RNF150: variants seen among roughly 807,000 people sequenced by gnomAD.
RNF150 encodes the protein ring finger protein 150.
In RNF150, 24 loss-of-function variants were observed where a neutral mutation model predicts 39.3. The ratio of observed to expected loss-of-function variants is 0.61; its 90% confidence interval spans 0.44 to 0.86. The LOEUF (loss-of-function observed/expected upper bound fraction) is 0.86. RNF150 is among the 40% of genes least tolerant of loss of function. RNF150 has a pLI of 0.00. For synonymous variants in RNF150, 255 were observed against 227.3 expected, an observed-to-expected ratio of 1.12 and a Z score of -1.10; for missense variants, 502 against 587.8, an observed-to-expected ratio of 0.85 and a Z score of 1.51.
At chr4:141,066,937 T>C (rs1249090191) in intron 1 of RNF150, among the ~76,000 whole-genome samples, 1 of 152,208 alleles carries the variant, frequency 6.6e-6, no homozygotes, top group Non-Finnish European at 1.5e-5. Context: ...TCCTAGGCTA[T>C]GTGGTATGCC....
chr4:141,122,803 A>G (rs1463494081), intron 1 of RNF150, among the ~76,000 whole-genome samples: 3 of 152,364 alleles, frequency 2.0e-5, no homozygotes, highest in East Asian at 3.9e-4. Flanking sequence ...GGTTCTTACT[A>G]TCTCTTTTTA....
At chr4:141,005,907 A>G (rs1254689229) in intron 1 of RNF150, among the ~76,000 whole-genome samples, 1 of 147,278 alleles carries the variant, frequency 6.8e-6, no homozygotes, top group African/African-American at 2.5e-5. Flanking sequence ...TCTCTACTAA[A>G]AATACAAAAA....
intron 1 of RNF150, among the ~76,000 whole-genome samples, chr4:141,106,531 G>A (rs989759996): frequency 6.6e-6 from 1 of 152,166 alleles, no homozygotes; most frequent in East Asian, 1.9e-4. Context: ...GGTGGCTCAC[G>A]CCTGTAATAC....
At chr4:141,024,695 T>C (rs1280336159) in intron 1 of RNF150, among the ~76,000 whole-genome samples, 1 of 152,176 alleles carries the variant, frequency 6.6e-6, no homozygotes, top group Non-Finnish European at 1.5e-5. Context: ...CAGCAAAGAA[T>C]GGTGATCAGG....
intron 1 of RNF150, among the ~76,000 whole-genome samples, chr4:141,099,708 T>C (rs1159451555): frequency 6.6e-6 from 1 of 152,036 alleles, no homozygotes; most frequent in Non-Finnish European, 1.5e-5. Flanking sequence ...GAGATGTCAG[T>C]CTGAACACAA....
intron 1 of RNF150, chr4:141,053,537 A>C (rs1016651207): frequency 2.2e-6 from 1 of 460,272 alleles, no homozygotes; most frequent in Admixed American, 4.4e-5. Context: ...GCAGGGCTCA[A>C]AAGAAGACAA....
At chr4:141,087,583 G>T (rs932993104) in intron 1 of RNF150, among the ~76,000 whole-genome samples, 1 of 151,982 alleles carries the variant, frequency 6.6e-6, no homozygotes, top group East Asian at 1.9e-4. Flanking sequence ...TTTTTGAAAT[G>T]CTGGTTGTAC....
intron 5 of RNF150, among the ~76,000 whole-genome samples, chr4:140,922,223 T>C (rs947167742): frequency 2.0e-5 from 3 of 150,822 alleles, no homozygotes; most frequent in South Asian, 2.1e-4. Context: ...GAAAACCCCA[T>C]CGTCTCAGCC....
chr4:141,101,837 A>G (rs1739022828), intron 1 of RNF150, among the ~76,000 whole-genome samples: 1 of 152,168 alleles, frequency 6.6e-6, no homozygotes, highest in Non-Finnish European at 1.5e-5. Flanking sequence ...GCTGGAGTGC[A>G]GTGGCACAAT....
chr4:141,032,641 A>T (rs898057507), intron 1 of RNF150, among the ~76,000 whole-genome samples: 4 of 152,150 alleles, frequency 2.6e-5, no homozygotes, highest in African/African-American at 9.7e-5. Context: ...ACCCCCAAGA[A>T]CAGTGCTAGT....
chr4:141,062,131 A>T (rs1411169460), intron 1 of RNF150, among the ~76,000 whole-genome samples: 1 of 152,012 alleles, frequency 6.6e-6, no homozygotes, highest in African/African-American at 2.4e-5. Flanking sequence ...CCTTATTAAA[A>T]CTAAAACAAG....
rs755371176 is a variant in RNF150, at chr4:141,132,578, G to A, written c.231C>T (p.Tyr77=). 1.6e-5 allele frequency: 26 copies of A among 1,578,078 alleles called. No individual in the cohort carries two copies. Among genetic ancestry groups the A allele is most frequent in the South Asian group, 1.6e-4 (14 of 86,252 alleles). The change falls in exon 1 of 7, where the codon TAC becomes TAT. Residue 77 remains tyrosine (Y), a synonymous_variant. Transcript: ENST00000515673. This position sits in a 1 kb window ranked among gnomAD's most constrained non-coding sequence, Gnocchi z 4.9. ...LHTEKTECGR[Y]GEHSPKQDAR... Reference sequence around the variant, plus strand: ...CGTCCTGCTTGGGCGAGTGCTCTCCGTAGCGCCCGCACTCCGTCTTCTCCG... The same window carrying A: ...CGTCCTGCTTGGGCGAGTGCTCTCCATAGCGCCCGCACTCCGTCTTCTCCG...
At chr4:141,082,409 A>G (rs1285833644) in intron 1 of RNF150, among the ~76,000 whole-genome samples, 1 of 152,104 alleles carries the variant, frequency 6.6e-6, no homozygotes, top group Non-Finnish European at 1.5e-5. Flanking sequence ...TATATGCACC[A>G]TTACTGGTTT....
chr4:140,962,065 T>TCTTCTC (rs142561257), intron 2 of RNF150, among the ~76,000 whole-genome samples: 1 of 149,084 alleles, frequency 6.7e-6, no homozygotes, highest in Non-Finnish European at 1.5e-5. Context: ...TCTCTCTCTC[T>TCTTCTC]TCTCTCTCTC....
At chr4:141,135,850 GGT>G (rs907426262), upstream of RNF150, among the ~76,000 whole-genome samples, 19 of 152,280 alleles carry the variant, frequency 1.2e-4, no homozygotes, top group African/African-American at 4.1e-4. Context: ...AAGTTGAGCA[GGT>G]GATCATGGTG....
At chr4:141,080,064 A>C (rs1224446592) in intron 1 of RNF150, among the ~76,000 whole-genome samples, 1 of 152,192 alleles carries the variant, frequency 6.6e-6, no homozygotes, top group Non-Finnish European at 1.5e-5. Context: ...GGAAAAAAAA[A>C]ATCCTAATTC....
At chr4:141,046,273 A>G (rs563839252) in intron 1 of RNF150, among the ~76,000 whole-genome samples, 2 of 152,238 alleles carry the variant, frequency 1.3e-5, no homozygotes, top group African/African-American at 4.8e-5. Context: ...AAGCTTTCAC[A>G]TTTTCTGTCT....
chr4:140,998,692 A>G (rs57857411), intron 1 of RNF150, among the ~76,000 whole-genome samples: 11,536 of 152,220 alleles, frequency 0.076, 493 homozygotes, highest in Middle Eastern at 0.16. Flanking sequence ...CCACTAATTC[A>G]AAGTGACAGA....
intron 1 of RNF150, among the ~76,000 whole-genome samples, chr4:140,993,496 G>T (rs1028233545): frequency 9.8e-5 from 15 of 152,288 alleles, no homozygotes; most frequent in African/African-American, 3.6e-4. Context: ...CAATTATTCT[G>T]CCTCCCATAG....
Sources: allele counts gnomAD v4.1 joint callset (sites outside exome capture counted in the v4.1 genomes callset), GRCh38; gene constraint gnomAD v4.1.1; non-coding constraint Gnocchi (gnomAD v3.1); transcripts MANE v1.5; gene names NCBI Gene and HGNC (gene_info 2026-07-23, HGNC 2026-07-21).